ULK4: variants seen among roughly 807,000 people sequenced by gnomAD.
ULK4 encodes unc-51 like kinase 4, also known as inactive serine/threonine-protein kinase ULK4.
In ULK4, 133 loss-of-function variants were observed where a neutral mutation model predicts 160.6. The observed-to-expected ratio is 0.83, with a 90% CI of 0.72 to 0.96. The LOEUF (loss-of-function observed/expected upper bound fraction) is 0.96. Among genes scored for constraint, ULK4 ranks in the 40% least tolerant of loss-of-function variants. The probability of loss-of-function intolerance (pLI) is 0.00; values close to 1 mark genes in which losing one functional copy is unlikely to be tolerated. For synonymous variants in ULK4, 534 were observed against 539.8 expected (o/e 0.99, Z 0.15); for missense variants, 1,580 against 1,499.5 (o/e 1.05, Z -0.89).
intron 17 of ULK4, among the ~76,000 whole-genome samples, chr3:41,859,889 C>T (rs1238710555): frequency 3.4e-5 from 5 of 145,030 alleles, no homozygotes; most frequent in African/African-American, 5.2e-5. Flanking sequence ...AGGCTGCTCT[C>T]GAACTCCTGA....
intron 35 of ULK4, among the ~76,000 whole-genome samples, chr3:41,338,477 C>T (rs1010840086): frequency 7.9e-5 from 12 of 152,314 alleles, no homozygotes; most frequent in Non-Finnish European, 1.6e-4. Flanking sequence ...TTAATCTGAA[C>T]ACTTTCCCCA....
intron 31 of ULK4, among the ~76,000 whole-genome samples, chr3:41,586,607 T>C (rs1386532304): frequency 6.6e-6 from 1 of 152,180 alleles, no homozygotes; most frequent in Admixed American, 6.5e-5. Flanking sequence ...GTTAATAAAC[T>C]TCACATTTAA....
At chr3:41,732,251 A>C (rs911108809) in intron 22 of ULK4, among the ~76,000 whole-genome samples, 1 of 152,146 alleles carries the variant, frequency 6.6e-6, no homozygotes, top group Non-Finnish European at 1.5e-5. Flanking sequence ...TCCAGAATAT[A>C]TAAAGAATTC....
intron 30 of ULK4, among the ~76,000 whole-genome samples, chr3:41,636,706 T>C (rs371081269): frequency 6.6e-6 from 1 of 152,130 alleles, no homozygotes; most frequent in African/African-American, 2.4e-5. Context: ...GCTGCACCCA[T>C]TAACTCGTCA....
intron 29 of ULK4, among the ~76,000 whole-genome samples, chr3:41,669,990 C>A (rs2035482084): frequency 6.6e-6 from 1 of 152,108 alleles, no homozygotes; most frequent in South Asian, 2.1e-4. Context: ...AGAAGCAAAA[C>A]CTGAGAGTCT....
chr3:41,456,040 G>A (rs540897576), intron 33 of ULK4, among the ~76,000 whole-genome samples: 13 of 152,270 alleles, frequency 8.5e-5, no homozygotes, highest in African/African-American at 2.9e-4. Context: ...CTCCTGAGTA[G>A]CTAAGATTAC....
At chr3:41,840,283 A>G (rs2041871069) in intron 17 of ULK4, among the ~76,000 whole-genome samples, 1 of 152,174 alleles carries the variant, frequency 6.6e-6, no homozygotes, top group South Asian at 2.1e-4. Context: ...ATTTTAAAAA[A>G]AGAGTTAGCC....
At position 41,367,194 on chromosome 3, in the gene ULK4, T is replaced by C. The variant is rs547548413; in HGVS notation, c.3678+30885A>G. ...CCCAGCAATTCTTGCCTGTTCATGT[T>C]CATAAATGAAGGTCTATGAGTACTG... On this transcript the variant is annotated intron_variant, in intron 35 of 36. Transcript: ENST00000301831. 2.6e-5 allele frequency among the ~76,000 whole-genome samples: 4 copies of C among 152,308 alleles called. No homozygotes were observed. The South Asian group carries it at 8.3e-4, about 32-fold the overall frequency.
At position 41,406,836 on chromosome 3, in the gene ULK4, T is replaced by C. The variant is rs182106904; in HGVS notation, c.3493-8572A>G. Among the ~76,000 whole-genome samples the C allele has an allele frequency of 3.3e-5, 5 of 152,330 alleles. No individual in the cohort carries two copies. In the East Asian group the frequency reaches 9.6e-4, roughly 29 times the overall value. On this transcript the variant is annotated intron_variant, in intron 34 of 36. Transcript: ENST00000301831. ...AACAACAAACTAGCATACAAATGCA[T>C]GAAGCAATGGTTCTTAAGACACTAG...
At chr3:41,935,209 ATTTTTTTTTTTTTTTT>A (rs10524611) in intron 4 of ULK4, among the ~76,000 whole-genome samples, 4 of 135,550 alleles carry the variant, frequency 3.0e-5, no homozygotes, top group African/African-American at 6.5e-5. Flanking sequence ...TTATTTATTT[ATTTTTTTTTTTTTTTT>A]TTTTTTTTTT....
chr3:41,476,122 T>C (rs1042687359), intron 32 of ULK4, among the ~76,000 whole-genome samples: 3 of 151,794 alleles, frequency 2.0e-5, no homozygotes, highest in Non-Finnish European at 4.4e-5. Context: ...TGGGTTTGCA[T>C]AGGGCTGACA....
intron 27 of ULK4, among the ~76,000 whole-genome samples, chr3:41,683,994 A>G (rs1036046880): frequency 1.3e-5 from 2 of 152,088 alleles, no homozygotes; most frequent in African/African-American, 2.4e-5. Context: ...GTCCTGATCC[A>G]TTTTTCCTTC....
Position 41,463,223 on chromosome 3 carries a change from G to A in ULK4, c.3257C>T (p.Thr1086Ile). ...ATCCAAGCACAGTGTGGCAGTTTCA[G>A]TGAGCAGGTTACAGATGTGACTGAC... ...GLVSHICNLL[T>I]ETATLCLDVD... The change falls in exon 33 of 37, where the codon ACT (threonine) becomes ATT (isoleucine). Residue 1086 changes from threonine (T) to isoleucine (I), a missense_variant. Thr to Ile is a moderately conservative substitution (Grantham distance 89, BLOSUM62 -1). Transcript: ENST00000301831. 6.2e-7 allele frequency: 1 copy of A among 1,613,622 alleles called. No individual in the cohort carries two copies. The highest frequency in any genetic ancestry group is 8.5e-7 in the Non-Finnish European group (1 of 1,179,686).
At chr3:41,681,364 A>G (rs540906474) in intron 29 of ULK4, 144 bp downstream of exon 29, 4 of 1,184,188 alleles carry the variant, frequency 3.4e-6, no homozygotes, top group South Asian at 3.3e-5. Context: ...GCACCTGTCT[A>G]AACTTTTTTT....
At chr3:41,262,477 G>A (rs2078963694) in intron 35 of ULK4, among the ~76,000 whole-genome samples, 1 of 152,122 alleles carries the variant, frequency 6.6e-6, no homozygotes, top group African/African-American at 2.4e-5. Flanking sequence ...CAGTGTTGAA[G>A]GACTTTCTTC....
chr3:41,563,820 G>A lies in ULK4; in HGVS notation c.3226+2205C>T, dbSNP rs201091630. Among the ~76,000 whole-genome samples the A allele has an allele frequency of 9.9e-5, 15 of 152,216 alleles. No homozygotes were observed. In the East Asian group the frequency reaches 2.9e-3, roughly 29 times the overall value. ...GGGTTAGAACATGCTCCTGTAGCTT[G>A]GAGAAGTTTGTTATTACCGACCTTT... On this transcript the variant is annotated intron_variant, in intron 32 of 36. Coordinates refer to ENST00000301831, the MANE Select transcript of ULK4 (RefSeq NM_017886.4).
chr3:41,350,148 T>C (rs2080880902), intron 35 of ULK4, among the ~76,000 whole-genome samples: 1 of 152,232 alleles, frequency 6.6e-6, no homozygotes. Flanking sequence ...CCTCAGAAGA[T>C]ACTAAAAGTG....
At chr3:41,488,092 C>T (rs994919690) in intron 32 of ULK4, among the ~76,000 whole-genome samples, 1 of 152,080 alleles carries the variant, frequency 6.6e-6, no homozygotes, top group African/African-American at 2.4e-5. Flanking sequence ...GAAATACATG[C>T]AAGGCATAGA....
intron 25 of ULK4, among the ~76,000 whole-genome samples, chr3:41,714,718 G>C (rs1283235529): frequency 6.6e-6 from 1 of 152,024 alleles, no homozygotes; most frequent in Non-Finnish European, 1.5e-5. Flanking sequence ...TTAACATAGA[G>C]AAATGCCATC....
Sources: allele counts gnomAD v4.1 joint callset (sites outside exome capture counted in the v4.1 genomes callset), GRCh38; gene constraint gnomAD v4.1.1; transcripts MANE v1.5; gene names NCBI Gene and HGNC (gene_info 2026-07-23, HGNC 2026-07-21).